The following ERICH3 variants were observed in gnomAD, a reference collection of about 807,000 sequenced individuals.
ERICH3 encodes glutamate-rich protein 3.
ERICH3 carries 126 observed loss-of-function variants against 131.1 expected under a neutral mutation model. The ratio of observed to expected loss-of-function variants is 0.96; its 90% confidence interval spans 0.83 to 1.11. The LOEUF is 1.11. Among genes scored for constraint, ERICH3 ranks in the 50% most tolerant of loss-of-function variants. ERICH3 has a pLI of 0.00. For synonymous variants in ERICH3, 695 were observed against 644.6 expected (o/e 1.08, Z -1.18); for missense variants, 2,050 against 1,810.7 (o/e 1.13, Z -2.40).
intron 1 of ERICH3, among the ~76,000 whole-genome samples, chr1:74,658,727 A>G (rs1646610695): frequency 6.6e-6 from 1 of 152,096 alleles, no homozygotes; most frequent in Non-Finnish European, 1.5e-5. Flanking sequence ...ACCATTTTTG[A>G]GATCATCTTA....
intron 1 of ERICH3, among the ~76,000 whole-genome samples, chr1:74,661,369 G>C (rs1005961618): frequency 4.6e-5 from 7 of 152,056 alleles, no homozygotes; most frequent in Non-Finnish European, 7.4e-5. Flanking sequence ...AATGTTCTGG[G>C]TCATTGCTTC....
At chr1:74,616,216 C>T (rs1048048527) in intron 8 of ERICH3, among the ~76,000 whole-genome samples, 51 of 151,916 alleles carry the variant, frequency 3.4e-4, no homozygotes, top group African/African-American at 1.2e-3. Context: ...GACGGGGTTT[C>T]GCCTTGCTGG....
chr1:74,626,809 C>CTG (rs1410236542), intron 7 of ERICH3, among the ~76,000 whole-genome samples: 1 of 152,148 alleles, frequency 6.6e-6, no homozygotes, highest in Non-Finnish European at 1.5e-5. Flanking sequence ...AGACAACTTG[C>CTG]TGGACTGTGA....
rs201179481 is a variant in ERICH3, at chr1:74,649,217, C to T, written c.117+5G>A. The T allele has an allele frequency of 1.1e-4, 176 of 1,592,952 alleles. No homozygotes were observed. Among genetic ancestry groups the T allele is most frequent in the Non-Finnish European group, 9.7e-5 (113 of 1,168,718 alleles). On this transcript the variant is annotated splice_donor_5th_base_variant and intron_variant, in intron 2 of 14. Transcript: ENST00000326665. ...AAGGTCAGTGGAAAGTAAACCAAAACTTACCAGTCCTGATCTTAAGAGATG... is the reference window on the plus strand; with the variant it reads ...AAGGTCAGTGGAAAGTAAACCAAAATTTACCAGTCCTGATCTTAAGAGATG...
intron 1 of ERICH3, among the ~76,000 whole-genome samples, chr1:74,669,389 A>G (rs908183012): frequency 3.3e-5 from 5 of 152,056 alleles, no homozygotes; most frequent in African/African-American, 1.2e-4. Flanking sequence ...AACTATCTCT[A>G]TTTACAGCCA....
intron 10 of ERICH3, among the ~76,000 whole-genome samples, chr1:74,602,003 G>A (rs1648160930): frequency 6.6e-6 from 1 of 151,896 alleles, no homozygotes; most frequent in South Asian, 2.1e-4. Context: ...TGATTGGGTA[G>A]TGAAGGGAGT....
chr1:74,648,440 C>A (rs60198357), intron 2 of ERICH3, among the ~76,000 whole-genome samples: 3,075 of 152,206 alleles, frequency 0.02, 102 homozygotes, highest in African/African-American at 0.07. Context: ...TTATAAATGG[C>A]AAGCTCGGTT....
chr1:74,661,031 A>G (rs1022897570), intron 1 of ERICH3, among the ~76,000 whole-genome samples: 4 of 152,120 alleles, frequency 2.6e-5, no homozygotes, highest in Non-Finnish European at 5.9e-5. Flanking sequence ...AAAAACCAAA[A>G]CAGAAAAGCC....
At chr1:74,589,487 G>A in intron 12 of ERICH3, 144 bp downstream of exon 12, 5 of 767,302 alleles carry the variant, frequency 6.5e-6, no homozygotes, top group African/African-American at 1.7e-5. Context: ...GTATGATTAT[G>A]TGACAAAGAG....
At chr1:74,661,130 T>G (rs1481307500) in intron 1 of ERICH3, among the ~76,000 whole-genome samples, 1 of 152,086 alleles carries the variant, frequency 6.6e-6, no homozygotes, top group Admixed American at 6.6e-5. Context: ...CTAAGTGCCC[T>G]AAAATGTAAT....
intron 1 of ERICH3, among the ~76,000 whole-genome samples, chr1:74,657,842 T>C (rs138169093): frequency 1.8e-4 from 28 of 152,268 alleles, no homozygotes; most frequent in African/African-American, 6.0e-4. Flanking sequence ...CTCTTTATAA[T>C]GTTACATCTT....
intron 1 of ERICH3, among the ~76,000 whole-genome samples, chr1:74,666,879 G>A (rs1646698007): frequency 6.6e-6 from 1 of 152,150 alleles, no homozygotes; most frequent in Non-Finnish European, 1.5e-5. Context: ...GTATGCTGAA[G>A]TTTTAGAACC....
intron 1 of ERICH3, among the ~76,000 whole-genome samples, chr1:74,668,694 T>C (rs1646714235): frequency 6.6e-6 from 1 of 152,156 alleles, no homozygotes; most frequent in Non-Finnish European, 1.5e-5. Flanking sequence ...TATACATATA[T>C]ATATTTAAAA....
intron 1 of ERICH3, among the ~76,000 whole-genome samples, chr1:74,649,914 C>A (rs1424740921): frequency 6.6e-6 from 1 of 152,062 alleles, no homozygotes; most frequent in Non-Finnish European, 1.5e-5. Context: ...CCGCTCCCCA[C>A]CTCCTACCCC....
At chr1:74,627,922 T>C (rs1490290612) in intron 7 of ERICH3, among the ~76,000 whole-genome samples, 3 of 152,160 alleles carry the variant, frequency 2.0e-5, no homozygotes, top group Non-Finnish European at 1.5e-5. Flanking sequence ...AAAGTTAAGA[T>C]TTATGAAAAC....
intron 11 of ERICH3, among the ~76,000 whole-genome samples, chr1:74,597,802 A>G (rs1302744648): frequency 1.3e-5 from 2 of 152,020 alleles, no homozygotes; most frequent in African/African-American, 2.4e-5. Flanking sequence ...TAAATCTAAC[A>G]TTGAGATTGT....
At position 74,606,667 on chromosome 1, in the gene ERICH3, T is replaced by G; in HGVS notation, c.1423A>C (p.Met475Leu). The G allele has an allele frequency of 1.2e-6, 2 of 1,613,128 alleles. No homozygotes were observed. Among genetic ancestry groups the G allele is most frequent in the Non-Finnish European group, 1.7e-6 (2 of 1,179,408 alleles). The change falls in exon 10 of 15, where the codon ATG becomes CTG. Residue 475 changes from methionine (M) to leucine (L), a missense_variant. Transcript: ENST00000326665. ...TGTCCTGGTTTTCCTTTACTTGTCA[T>G]TTCCTCCACAGCAGTTACCACTTCT... is the stretch of plus-strand genomic sequence containing the variant. ...LKEVVTAVEE[M>L]TSKGKPGQEV...
intron 1 of ERICH3, among the ~76,000 whole-genome samples, chr1:74,656,501 G>A (rs190378881): frequency 2.0e-5 from 3 of 152,188 alleles, no homozygotes; most frequent in African/African-American, 7.2e-5. Flanking sequence ...CCTTGCCCTC[G>A]ACTTGAGTTC....
chr1:74,586,933 G>A (rs535297202), intron 12 of ERICH3, among the ~76,000 whole-genome samples: 2 of 152,254 alleles, frequency 1.3e-5, no homozygotes, highest in African/African-American at 4.8e-5. Flanking sequence ...AAACCTATGA[G>A]TAATTTTTCA....
Sources: allele counts gnomAD v4.1 joint callset (sites outside exome capture counted in the v4.1 genomes callset), GRCh38; gene constraint gnomAD v4.1.1; transcripts MANE v1.5; gene names NCBI Gene and HGNC (gene_info 2026-07-23, HGNC 2026-07-21).